Variants in MYO1D observed in about 807,000 individuals in gnomAD.
MYO1D encodes myosin ID, also known as unconventional myosin-Id.
In MYO1D, 83 loss-of-function variants were observed where a neutral mutation model predicts 122.0. That is an observed-to-expected ratio of 0.68 (90% CI 0.57 to 0.82). The LOEUF is 0.82. MYO1D is among the 40% of genes least tolerant of loss of function. The probability of loss-of-function intolerance (pLI) is 0.00; values close to 1 mark genes in which losing one functional copy is unlikely to be tolerated. For synonymous variants in MYO1D, 464 were observed against 446.9 expected (o/e 1.04, Z -0.48); for missense variants, 1,157 against 1,269.5 (o/e 0.91, Z 1.35).
chr17:32,688,928 TG>T (rs2089058551), intron 16 of MYO1D, among the ~76,000 whole-genome samples: 1 of 151,608 alleles, frequency 6.6e-6, no homozygotes, highest in African/African-American at 2.4e-5. Flanking sequence ...GAAGTGTGTG[TG>T]TGTGTGTGTG....
intron 21 of MYO1D, among the ~76,000 whole-genome samples, chr17:32,554,541 G>C (rs2087050979): frequency 6.6e-6 from 1 of 152,148 alleles, no homozygotes; most frequent in Non-Finnish European, 1.5e-5. Flanking sequence ...ATATTTACCT[G>C]ATCTTTCAGT....
At chr17:32,639,363 T>TGTGTGTGTGTGTG (rs1567923149) in intron 19 of MYO1D, among the ~76,000 whole-genome samples, 25 of 128,266 alleles carry the variant, frequency 1.9e-4, no homozygotes, top group African/African-American at 7.3e-4. Context: ...GGGAGAAATT[T>TGTGTGTGTGTGTG]TGTGTGTGTG....
intron 1 of MYO1D, among the ~76,000 whole-genome samples, chr17:32,861,356 G>A (rs556159018): frequency 3.0e-4 from 46 of 152,162 alleles, no homozygotes; most frequent in Middle Eastern, 3.4e-3. Context: ...GTGAGCCACC[G>A]CACCTGGCCT....
chr17:32,566,275 T>C (rs1022659549), intron 21 of MYO1D, among the ~76,000 whole-genome samples: 1 of 152,218 alleles, frequency 6.6e-6, no homozygotes. Context: ...GACACTAACA[T>C]GAGGACTTAG....
intron 21 of MYO1D, among the ~76,000 whole-genome samples, chr17:32,585,978 A>C (rs1351215626): frequency 6.6e-6 from 1 of 152,132 alleles, no homozygotes; most frequent in East Asian, 1.9e-4. Flanking sequence ...GAAGAAAAGG[A>C]GGCTTGGAAT....
chr17:32,528,518 A>T (rs1324146962), intron 21 of MYO1D, among the ~76,000 whole-genome samples: 2 of 151,978 alleles, frequency 1.3e-5, no homozygotes, highest in African/African-American at 4.8e-5. Flanking sequence ...GTGATGCTGA[A>T]TATGCCCTCC....
intron 21 of MYO1D, among the ~76,000 whole-genome samples, chr17:32,501,530 C>T (rs1019592820): frequency 1.8e-4 from 27 of 152,256 alleles, no homozygotes; most frequent in African/African-American, 6.0e-4. Context: ...AATCTCATTT[C>T]GACACAGTTG....
intron 1 of MYO1D, among the ~76,000 whole-genome samples, chr17:32,833,036 T>C (rs1408277822): frequency 6.6e-6 from 1 of 152,192 alleles, no homozygotes; most frequent in African/African-American, 2.4e-5. Context: ...TCCCTCAGAA[T>C]TAATTTATAT....
intron 6 of MYO1D, 109 bp downstream of exon 6, chr17:32,771,016 G>C (rs1174321753): frequency 1.4e-6 from 1 of 693,058 alleles, no homozygotes; most frequent in Non-Finnish European, 2.3e-6. Context: ...GGATAAAAGA[G>C]ATGTTTATTT....
rs188417790 is a variant in MYO1D at position 32,556,416 on chromosome 17, G to A, written c.2864+48671C>T. 7.1e-4 allele frequency among the ~76,000 whole-genome samples: 108 copies of A among 152,288 alleles called. 2 individuals are homozygous for A. Among genetic ancestry groups the A allele is most frequent in the Admixed American group, 6.9e-3 (105 of 15,288 alleles). On this transcript the variant is annotated intron_variant, in intron 21 of 21. Transcript: ENST00000318217. ...GGGTGAGTGGGGCTCCTGAGGGCTC[G>A]AAGTGGGTGGAGGAAGCCATTCTAG...
intron 11 of MYO1D, among the ~76,000 whole-genome samples, chr17:32,753,089 A>G (rs2089914286): frequency 6.6e-6 from 1 of 152,262 alleles, no homozygotes; most frequent in African/African-American, 2.4e-5. Context: ...AATACTATGC[A>G]GCCATAAAAA....
At chr17:32,534,527 A>G (rs1232870961) in intron 21 of MYO1D, among the ~76,000 whole-genome samples, 7 of 152,340 alleles carry the variant, frequency 4.6e-5, no homozygotes, top group East Asian at 1.9e-4. Context: ...GAGGGCACAT[A>G]TAGACACACA....
intron 21 of MYO1D, among the ~76,000 whole-genome samples, chr17:32,599,587 T>A (rs1270228436): frequency 2.6e-5 from 4 of 152,352 alleles, no homozygotes; most frequent in Non-Finnish European, 4.4e-5. Context: ...GTTTTCAGTT[T>A]ACTTTGCCCA....
intron 19 of MYO1D, among the ~76,000 whole-genome samples, chr17:32,653,197 A>G (rs752536101): frequency 6.6e-6 from 1 of 152,160 alleles, no homozygotes; most frequent in Non-Finnish European, 1.5e-5. Flanking sequence ...CTAAATGACA[A>G]TTAAATATAA....
Position 32,605,184 on chromosome 17 carries a change from CT to C in MYO1D, c.2766del (p.Asp923ThrfsTer28). The C allele has an allele frequency of 1.2e-6, 2 of 1,609,594 alleles. No individual in the cohort carries two copies. Among genetic ancestry groups the C allele is most frequent in the Non-Finnish European group, 1.7e-6 (2 of 1,176,594 alleles). On this transcript the variant is annotated frameshift_variant, in exon 21 of 22. Coordinates refer to ENST00000318217, the MANE Select transcript of MYO1D (RefSeq NM_015194.3). LOFTEE classifies it high-confidence loss of function. ...GKDQLVVFHT[K>X]DNKDLIVCLF... is the part of the protein sequence containing the mutation. ...AGGCAGACAATGAGGTCTTTGTTGT[CT>C]TTCGTATGGAACACTACAAGTTGGT... is the stretch of plus-strand genomic sequence containing the variant.
chr17:32,725,818 T>C (rs574508457), intron 14 of MYO1D, among the ~76,000 whole-genome samples: 2 of 152,042 alleles, frequency 1.3e-5, no homozygotes, highest in African/African-American at 4.8e-5. Context: ...AAGCACATCA[T>C]AGTGAAACTT....
At chr17:32,537,009 C>T (rs925054491) in intron 21 of MYO1D, among the ~76,000 whole-genome samples, 1 of 152,192 alleles carries the variant, frequency 6.6e-6, no homozygotes, top group Non-Finnish European at 1.5e-5. Context: ...AGACGTTTCT[C>T]TGTTCTGTCT....
chr17:32,705,611 T>C (rs189125760), intron 16 of MYO1D, among the ~76,000 whole-genome samples: 2 of 152,316 alleles, frequency 1.3e-5, no homozygotes, highest in African/African-American at 4.8e-5. Context: ...TAGATGATGA[T>C]AGTGGAAGAC....
At chr17:32,703,926 A>C (rs1186835853) in intron 16 of MYO1D, among the ~76,000 whole-genome samples, 1 of 152,234 alleles carries the variant, frequency 6.6e-6, no homozygotes, top group Non-Finnish European at 1.5e-5. Context: ...GATAAATCCC[A>C]AACCAGAAAG....
Sources: allele counts gnomAD v4.1 joint callset (sites outside exome capture counted in the v4.1 genomes callset), GRCh38; gene constraint gnomAD v4.1.1; transcripts MANE v1.5; gene names NCBI Gene and HGNC (gene_info 2026-07-23, HGNC 2026-07-21).